The following ADAM32 variants were observed in gnomAD, a reference collection of about 807,000 sequenced individuals.
ADAM32 encodes disintegrin and metalloproteinase domain-containing protein 32.
A neutral mutation model predicts 114.9 loss-of-function variants in ADAM32; 89 were observed. That is an observed-to-expected ratio of 0.77 (90% CI 0.65 to 0.92). ADAM32 has a LOEUF of 0.92. Ranked by LOEUF, ADAM32 falls within the 40% of genes least tolerant of loss-of-function variation. The probability of loss-of-function intolerance (pLI) is 0.00; values close to 1 mark genes in which losing one functional copy is unlikely to be tolerated. For synonymous variants in ADAM32, 285 were observed against 307.5 expected (o/e 0.93, Z 0.77); for missense variants, 870 against 932.8 (o/e 0.93, Z 0.88).
chr8:39,230,437 A>C (rs1809664909), intron 14 of ADAM32, among the ~76,000 whole-genome samples: 1 of 152,190 alleles, frequency 6.6e-6, no homozygotes, highest in African/African-American at 2.4e-5. Flanking sequence ...GTTGGCGACT[A>C]TACTTTCAGC....
rs547495315 is a variant in ADAM32, at chr8:39,126,616, C to G, written c.138+8451C>G. On this transcript the variant is annotated intron_variant, in intron 2 of 24. Transcript: ENST00000379907. The stretch of plus-strand genomic sequence containing the variant: ...TTTTCTAGATATAGGATCATGTCAT[C>G]TTAAGGACAGTTTGACTTCCTTTCT... 2.0e-5 allele frequency among the ~76,000 whole-genome samples: 3 copies of G among 152,078 alleles called. No homozygotes were observed. In the East Asian group the frequency reaches 5.8e-4, roughly 29 times the overall value.
intron 20 of ADAM32, among the ~76,000 whole-genome samples, chr8:39,271,539 C>CAAA (rs5891057): frequency 2.3e-5 from 3 of 129,026 alleles, no homozygotes; most frequent in African/African-American, 9.0e-5. Flanking sequence ...TGAAAAACCT[C>CAAA]AAAAAAAAAA....
At chr8:39,142,884 T>G (rs1339402356) in intron 3 of ADAM32, among the ~76,000 whole-genome samples, 1 of 152,238 alleles carries the variant, frequency 6.6e-6, no homozygotes, top group African/African-American at 2.4e-5. Context: ...CCTATATTTC[T>G]TGGAGGCTTT....
In ADAM32 at chr8:39,221,591, A is replaced by G. The variant is rs368659136; in HGVS notation, c.1234-19A>G. The stretch of plus-strand genomic sequence containing the variant: ...ATTGTCATGATGTATTTTTACTTGT[A>G]CATTTCACTAATTCATAGCAATGTG... On this transcript the variant is annotated intron_variant, in intron 12 of 24. Transcript: ENST00000379907. 4 of 1,583,288 alleles carry G rather than the reference A, an allele frequency of 2.5e-6. 1 individual carries two copies. The African/African-American group carries it at 5.4e-5, about 21-fold the overall frequency.
Position 39,262,426 on chromosome 8 carries a change from A to G in ADAM32, c.2162+5083A>G, listed in dbSNP as rs141422347. On this transcript the variant is annotated intron_variant, in intron 19 of 24. Transcript: ENST00000379907. ...TGTAAGTGTCTGTTTTCATGCCAGTATCATGCTGTTTTGGTTTCTCAGCTT... is the reference window on the plus strand; with the variant it reads ...TGTAAGTGTCTGTTTTCATGCCAGTGTCATGCTGTTTTGGTTTCTCAGCTT... 1.8e-3 allele frequency among the ~76,000 whole-genome samples: 278 copies of G among 152,288 alleles called. 1 individual carries two copies. The highest frequency in any genetic ancestry group is 6.5e-3 in the African/African-American group (269 of 41,558).
At position 39,264,294 on chromosome 8, in the gene ADAM32, G is replaced by A. The variant is rs144625619; in HGVS notation, c.2163-6582G>A. ...TCATGGTTCAATCATGGTAGGTTGT[G>A]TGTTTCTAGGTATTCATCTATTTCT... On this transcript the variant is annotated intron_variant, in intron 19 of 24. Coordinates refer to ENST00000379907, the MANE Select transcript of ADAM32 (RefSeq NM_145004.7). Among the ~76,000 whole-genome samples the A allele has an allele frequency of 8.2e-3, 1,248 of 152,172 alleles. 15 individuals carry two copies. The highest frequency in any genetic ancestry group is 0.029 in the African/African-American group (1,188 of 41,532).
intron 16 of ADAM32, among the ~76,000 whole-genome samples, chr8:39,244,458 C>A (rs1459918857): frequency 6.6e-6 from 1 of 152,122 alleles, no homozygotes; most frequent in East Asian, 1.9e-4. Flanking sequence ...GACACATAGA[C>A]CAATGGAACA....
chr8:39,146,684 T>C (rs1803526859), intron 3 of ADAM32, among the ~76,000 whole-genome samples: 1 of 152,370 alleles, frequency 6.6e-6, no homozygotes, highest in South Asian at 2.1e-4. Context: ...GTGTTGGGAT[T>C]ACAGGTGTGA....
intron 23 of ADAM32, among the ~76,000 whole-genome samples, chr8:39,282,002 CT>C (rs1182087082): frequency 1.2e-4 from 18 of 152,286 alleles, no homozygotes; most frequent in Admixed American, 9.8e-4. Context: ...CTCCTTTATC[CT>C]TTCTGTTGTT....
chr8:39,247,243 G>A (rs191831569), intron 17 of ADAM32, among the ~76,000 whole-genome samples: 19 of 152,138 alleles, frequency 1.2e-4, no homozygotes, highest in African/African-American at 4.3e-4. Context: ...GTATCATATC[G>A]TAAGAGTATG....
chr8:39,264,499 G>C (rs1285189366), intron 19 of ADAM32, among the ~76,000 whole-genome samples: 1 of 152,030 alleles, frequency 6.6e-6, no homozygotes, highest in African/African-American at 2.4e-5. Flanking sequence ...CCTTAAAAAA[G>C]AAACTTTCGG....
chr8:39,168,693 A>G (rs1191746700), intron 9 of ADAM32: 1 of 152,190 alleles, frequency 6.6e-6, no homozygotes, highest in Non-Finnish European at 1.5e-5. Flanking sequence ...TAGGATTAAT[A>G]TTATTACCTT....
intron 20 of ADAM32, among the ~76,000 whole-genome samples, chr8:39,272,204 C>A (rs1486085337): frequency 6.7e-6 from 1 of 150,080 alleles, no homozygotes; most frequent in African/African-American, 2.5e-5. Flanking sequence ...ATTAAAAGAA[C>A]AGAACAATTA....
chr8:39,227,085 A>G (rs903600888), intron 14 of ADAM32, among the ~76,000 whole-genome samples: 1 of 152,156 alleles, frequency 6.6e-6, no homozygotes, highest in African/African-American at 2.4e-5. Flanking sequence ...CTCCAAATCA[A>G]CTGCAAGAAC....
chr8:39,185,284 C>A (rs1806152140), intron 10 of ADAM32, among the ~76,000 whole-genome samples: 1 of 150,824 alleles, frequency 6.6e-6, no homozygotes, highest in Admixed American at 6.6e-5. Context: ...AAAAAAAATT[C>A]CAACTGGTTT....
upstream of ADAM32, chr8:39,107,691 C>T: frequency 6.5e-7 from 1 of 1,542,230 alleles, no homozygotes. Context: ...GTGCGGGGAG[C>T]GGCCCCCGGC....
intron 10 of ADAM32, among the ~76,000 whole-genome samples, chr8:39,178,354 T>C (rs1564540090): frequency 6.6e-6 from 1 of 152,248 alleles, no homozygotes. Context: ...GTTGTGTTTT[T>C]CACCTCCATC....
intron 3 of ADAM32, among the ~76,000 whole-genome samples, chr8:39,142,610 A>G (rs1047128289): frequency 7.2e-5 from 11 of 152,114 alleles, no homozygotes; most frequent in Non-Finnish European, 1.6e-4. Context: ...TGGTAAGCCA[A>G]CCTTTCTCTC....
At chr8:39,176,409 G>T (rs1232465977) in intron 10 of ADAM32, among the ~76,000 whole-genome samples, 1 of 152,122 alleles carries the variant, frequency 6.6e-6, no homozygotes, top group Non-Finnish European at 1.5e-5. Flanking sequence ...TAGTTTCAAA[G>T]AACTTCTTGA....
Sources: gnomAD v4.1 joint callset for allele counts (sites outside exome capture counted in the v4.1 genomes callset) on GRCh38, gnomAD v4.1.1 for gene constraint, MANE v1.5 for transcripts, NCBI Gene and HGNC (gene_info 2026-07-23, HGNC 2026-07-21) for gene names.